Variants in REXO4 observed in about 807,000 individuals in gnomAD.
REXO4 encodes REX4 homolog, 3'-5' exonuclease.
A neutral mutation model predicts 39.9 loss-of-function variants in REXO4; 29 were observed. The observed-to-expected ratio is 0.73, with a 90% CI of 0.54 to 0.99. The LOEUF (loss-of-function observed/expected upper bound fraction) is 0.99. Ranked by LOEUF, REXO4 falls within the 50% of genes least tolerant of loss-of-function variation. The pLI, the probability that REXO4 is intolerant of heterozygous loss-of-function variation, is 0.00. For missense variants in REXO4, 524 were observed against 546.5 expected, an observed-to-expected ratio of 0.96 and a Z score of 0.41; for synonymous variants, 184 against 206.2, an observed-to-expected ratio of 0.89 and a Z score of 0.92.
intron 5 of REXO4, among the ~76,000 whole-genome samples, chr9:133,410,004 G>A (rs1554779809): frequency 1.3e-5 from 2 of 152,194 alleles, no homozygotes; most frequent in African/African-American, 4.8e-5. Context: ...ACCTTTCTGT[G>A]AGGACACTGC....
At chr9:133,407,710 G>A (rs1030171074) in intron 7 of REXO4, 97 bp downstream of exon 7, 1 of 879,578 alleles carries the variant, frequency 1.1e-6, no homozygotes, top group South Asian at 1.7e-5. Context: ...AGGTGCCCAA[G>A]CCCCACCTCC....
In REXO4 at chr9:133,414,386, ATACTTGGGTCT is replaced by A. The variant is rs1554780965; in HGVS notation, c.572+268_572+278del. On this transcript the variant is annotated intron_variant, in intron 2 of 7. Transcript: ENST00000371942. ...CTGGCGAGAAGCAGGGACAGGCCTCATACTTGGGTCTTTCTGGCTTCAGCACGCTTTCCTTC... is the reference window on the plus strand; with the variant it reads ...CTGGCGAGAAGCAGGGACAGGCCTCATTCTGGCTTCAGCACGCTTTCCTTC... 2.5e-5 allele frequency: 16 copies of A among 642,706 alleles called. No individual in the cohort carries two copies. In the East Asian group the frequency reaches 5.0e-4, roughly 20 times the overall value. The allele number at this position is 642,706 out of a possible 1,614,324, so 39.8% of individuals were successfully genotyped here. A position where few individuals can be genotyped will look rare whatever the true frequency, so the allele number is the denominator to read the frequency against.
chr9:133,417,140 T>G (rs1454081965), intron 1 of REXO4, among the ~76,000 whole-genome samples: 1 of 152,160 alleles, frequency 6.6e-6, no homozygotes, highest in Non-Finnish European at 1.5e-5. Flanking sequence ...GCTCCCCGAG[T>G]AGCTGCGACT....
chr9:133,414,077 TTTCAC>T (rs1306244550), intron 2 of REXO4, among the ~76,000 whole-genome samples: 1 of 152,218 alleles, frequency 6.6e-6, no homozygotes. Context: ...GGTTTATTCT[TTTCAC>T]TTGTTTTTTT....
Position 133,417,743 on chromosome 9 carries a change from TTTC to T in REXO4, c.99_101del (p.Lys35del). 1 of 1,613,872 alleles carries T rather than the reference TTTC, an allele frequency of 6.2e-7. No homozygotes were observed. Among genetic ancestry groups the T allele is most frequent in the Non-Finnish European group, 8.5e-7 (1 of 1,179,962 alleles). On this transcript the variant is annotated inframe_deletion, in exon 1 of 8. Coordinates refer to ENST00000371942, the MANE Select transcript of REXO4 (RefSeq NM_020385.4). The stretch of plus-strand genomic sequence containing the variant: ...GCGCCTTGCTTTTCCAAAACCTTTT[TTTC>T]TTCTTGTTTTTCTTCCGAGTGAGCG...
chr9:133,414,789 T>C lies in REXO4; in HGVS notation c.448A>G (p.Ser150Gly), dbSNP rs1839467517. Residue 150 changes from serine (S) to glycine (G), a missense_variant, in exon 2 of 8, where the codon AGT becomes GGT. Physicochemically the swap from Ser to Gly is moderately conservative, Grantham distance 56. Coordinates refer to ENST00000371942, the MANE Select transcript of REXO4 (RefSeq NM_020385.4). ...CCTTTCTTATTGTGCTCTGTTCCAC[T>C]GGCCTTGGTGCGAGGTACTGGCGCC... is the stretch of plus-strand genomic sequence containing the variant. ...RRAPVPRTKA[S>G]GTEHNKKGTK... 2 of 1,614,202 alleles carry C rather than the reference T, an allele frequency of 1.2e-6. No individual in the cohort carries two copies. The highest frequency in any genetic ancestry group is 1.7e-6 in the Non-Finnish European group (2 of 1,180,028).
intron 1 of REXO4, among the ~76,000 whole-genome samples, chr9:133,417,374 T>TA (rs1554781856): frequency 1.3e-5 from 2 of 152,390 alleles, no homozygotes; most frequent in African/African-American, 4.8e-5. Flanking sequence ...GTTAGTTCAT[T>TA]ATGCAAAAGG....
At chr9:133,417,572 G>A in intron 1 of REXO4, 48 bp downstream of exon 1, 1 of 1,585,250 alleles carries the variant, frequency 6.3e-7, no homozygotes, top group South Asian at 1.1e-5. Context: ...GTCGCGTTCT[G>A]CGGGAATGAG....
chr9:133,408,350 T>C (rs1298012048), intron 6 of REXO4, among the ~76,000 whole-genome samples: 1 of 151,960 alleles, frequency 6.6e-6, no homozygotes, highest in Non-Finnish European at 1.5e-5. Context: ...TCCCAGCTAC[T>C]TCAGAGGCTA....
At chr9:133,412,748 A>G in intron 3 of REXO4, 30 bp downstream of exon 3, 1 of 1,604,956 alleles carries the variant, frequency 6.2e-7, no homozygotes, top group Non-Finnish European at 8.5e-7. Context: ...AAGCATCCCC[A>G]GCAGACCCCA....
chr9:133,416,568 TAGCTCCAAGGG>T lies in REXO4; in HGVS notation c.225+1041_225+1051del, dbSNP rs112665215. 5.9e-5 allele frequency among the ~76,000 whole-genome samples: 9 copies of T among 152,078 alleles called. 1 individual carries two copies. Among genetic ancestry groups the T allele is most frequent in the East Asian group, 3.9e-4 (2 of 5,144 alleles). ...AGTGAGCTATGATCCTAACAGGAGGTAGCTCCAAGGGAGCTCCAAGGGATGTGGTAAGAATG... is the reference window on the plus strand; with the variant it reads ...AGTGAGCTATGATCCTAACAGGAGGTAGCTCCAAGGGATGTGGTAAGAATG... On this transcript the variant is annotated intron_variant, in intron 1 of 7. Coordinates refer to ENST00000371942, the MANE Select transcript of REXO4 (RefSeq NM_020385.4).
chr9:133,412,206 G>A lies in REXO4; in HGVS notation c.910+93C>T. The A allele has an allele frequency of 2.3e-6, 3 of 1,313,060 alleles. 1 individual carries two copies. Among genetic ancestry groups the A allele is most frequent in the South Asian group, 2.6e-5 (2 of 77,344 alleles). The allele number at this position is 1,313,060 out of a possible 1,614,324, so 81.3% of individuals were successfully genotyped here. On this transcript the variant is annotated intron_variant, in intron 4 of 7. Coordinates refer to ENST00000371942, the MANE Select transcript of REXO4 (RefSeq NM_020385.4). ...ACAAGACGCATCAAAACCAGCTGCA[G>A]TGAGTGGTCTCAGACAGAAAAGGGA...
intron 5 of REXO4, among the ~76,000 whole-genome samples, chr9:133,409,242 C>T (rs587773079): frequency 1.3e-5 from 2 of 152,268 alleles, no homozygotes; most frequent in South Asian, 2.1e-4. Context: ...GCTGGGATTA[C>T]AGGTGTGAGC....
At chr9:133,408,921 G>T in intron 5 of REXO4, 79 bp from the exon 6 acceptor site, 5 of 643,762 alleles carry the variant, frequency 7.8e-6, no homozygotes, top group African/African-American at 2.0e-5. Context: ...GCCACCTTTT[G>T]CAAGTAACAT....
intron 4 of REXO4, 58 bp from the exon 5 acceptor site, chr9:133,411,131 T>G (rs587677794): frequency 7.1e-7 from 1 of 1,413,080 alleles, no homozygotes; most frequent in South Asian, 1.2e-5. Flanking sequence ...CATCATTCTG[T>G]GAGGAGGCAG....
At chr9:133,407,735 A>G (rs1225468969) in intron 7 of REXO4, 72 bp downstream of exon 7, 1 of 1,217,888 alleles carries the variant, frequency 8.2e-7, no homozygotes, top group Non-Finnish European at 1.2e-6. Context: ...TGTCTGTGTC[A>G]GGTGACTCAT....
In REXO4 at chr9:133,417,889, G is replaced by A. The variant is rs1554782105; in HGVS notation, c.-45C>T. On this transcript the variant is annotated 5_prime_UTR_variant, in exon 1 of 8. Transcript: ENST00000371942. ...TGGGCCGGCGGCCACCCGAGACCCC[G>A]GCCTCCCCGGGCCCGGCGCCCTGGC... The A allele has an allele frequency of 1.3e-6, 2 of 1,555,170 alleles. No individual in the cohort carries two copies. The highest frequency in any genetic ancestry group is 1.9e-5 in the Admixed American group (1 of 53,160).
rs782215495 is a variant in REXO4 at position 133,407,050 on chromosome 9, A to G, written c.1172T>C (p.Met391Thr). Reference protein sequence around the residue: ...HCSIQDAQAAMRLYVMVKKEW... With the variant: ...HCSIQDAQAATRLYVMVKKEW... ...CTTCTTCACCATGACGTACAGCCTCATTGCTGCCTGGGCATCCTGAATCTA... is the reference window on the plus strand; with the variant it reads ...CTTCTTCACCATGACGTACAGCCTCGTTGCTGCCTGGGCATCCTGAATCTA... Residue 391 changes from methionine (M) to threonine (T), a missense_variant, in exon 8 of 8, where the codon ATG becomes ACG. Met to Thr is a moderately conservative substitution (Grantham distance 81). Coordinates refer to ENST00000371942, the MANE Select transcript of REXO4 (RefSeq NM_020385.4). The G allele has an allele frequency of 3.1e-6, 5 of 1,612,760 alleles. No individual in the cohort carries two copies. Among genetic ancestry groups the G allele is most frequent in the Middle Eastern group, 1.6e-4 (1 of 6,084 alleles).
Position 133,415,083 on chromosome 9 carries a change from G to A in REXO4, c.226-72C>T, listed in dbSNP as rs1385442253. The A allele has an allele frequency of 9.5e-6, 12 of 1,256,776 alleles. No individual in the cohort carries two copies. The East Asian group carries it at 1.2e-4, about 12-fold the overall frequency. The allele number at this position is 1,256,776 out of a possible 1,614,324, so 77.9% of individuals were successfully genotyped here. A position where few individuals can be genotyped will look rare whatever the true frequency, so the allele number is the denominator to read the frequency against. Reference sequence around the variant, plus strand: ...CACACAGCAGATTGAAAAAACTTACGTGTGTATGTATATACACACATATAC... The same window carrying A: ...CACACAGCAGATTGAAAAAACTTACATGTGTATGTATATACACACATATAC... On this transcript the variant is annotated intron_variant, in intron 1 of 7. Transcript: ENST00000371942.
Sources: gnomAD v4.1 joint callset for allele counts (sites outside exome capture counted in the v4.1 genomes callset) on GRCh38, gnomAD v4.1.1 for gene constraint, MANE v1.5 for transcripts, NCBI Gene and HGNC (gene_info 2026-07-23, HGNC 2026-07-21) for gene names.